Variants in DERL2 observed in about 807,000 individuals in gnomAD.
DERL2 encodes the protein derlin 2, also known as derlin-2.
A neutral mutation model predicts 32.0 loss-of-function variants in DERL2; 13 were observed. That is an observed-to-expected ratio of 0.41 (90% confidence interval 0.26 to 0.65). DERL2 has a LOEUF of 0.65. Among genes scored for constraint, DERL2 ranks in the 30% least tolerant of loss-of-function variants. The pLI, the probability that DERL2 is intolerant of heterozygous loss-of-function variation, is 0.35. For synonymous variants in DERL2, 111 were observed against 104.7 expected, an observed-to-expected ratio of 1.06 and a Z score of -0.37; for missense variants, 208 against 296.3, an observed-to-expected ratio of 0.70 and a Z score of 2.19.
chr17:5,485,719 T>C (rs1399640255), intron 1 of DERL2: 1 of 261,240 alleles, frequency 3.8e-6, no homozygotes, highest in Non-Finnish European at 7.2e-6. Context: ...CCCATTCCTG[T>C]TTCTTCACTA....
intron 1 of DERL2, among the ~76,000 whole-genome samples, chr17:5,485,590 C>T (rs1414340868): frequency 5.3e-5 from 8 of 152,208 alleles, no homozygotes; most frequent in Non-Finnish European, 1.2e-4. Flanking sequence ...CTTGAAATAA[C>T]GGAGACTGGA....
intron 6 of DERL2, among the ~76,000 whole-genome samples, chr17:5,476,816 T>C (rs555777487): frequency 1.4e-4 from 22 of 152,040 alleles, no homozygotes; most frequent in South Asian, 1.2e-3. Context: ...AAAACTGAGA[T>C]CCCTTCTACT....
intron 1 of DERL2, chr17:5,485,752 C>T (rs1175652071): frequency 6.3e-6 from 2 of 316,564 alleles, no homozygotes; most frequent in African/African-American, 4.3e-5. Flanking sequence ...TCTCACTAGT[C>T]ACCATGGTAC....
upstream of DERL2, chr17:5,486,297 C>T: frequency 3.0e-6 from 2 of 671,588 alleles, no homozygotes; most frequent in Admixed American, 3.0e-5. Flanking sequence ...CGCCAAGCAA[C>T]CGCAATCCGT....
At chr17:5,485,002 A>G in intron 2 of DERL2, 149 bp downstream of exon 2, 1 of 474,226 alleles carries the variant, frequency 2.1e-6, no homozygotes, top group East Asian at 3.5e-5. Flanking sequence ...CAGGCTGCAG[A>G]ATCACTGCTT....
chr17:5,476,525 T>TA (rs1287761783), intron 6 of DERL2, among the ~76,000 whole-genome samples: 1 of 152,170 alleles, frequency 6.6e-6, no homozygotes, highest in Non-Finnish European at 1.5e-5. Flanking sequence ...CTCATGCCTG[T>TA]AATCCCAGCA....
intron 2 of DERL2, 67 bp downstream of exon 2, chr17:5,485,084 T>C (rs1906085265): frequency 8.5e-7 from 1 of 1,175,072 alleles, no homozygotes; most frequent in Non-Finnish European, 1.2e-6. Flanking sequence ...TATAACAGGA[T>C]TTGCTACTAA....
At chr17:5,477,405 A>G (rs1003148723) in intron 6 of DERL2, among the ~76,000 whole-genome samples, 2 of 152,208 alleles carry the variant, frequency 1.3e-5, no homozygotes, top group Non-Finnish European at 2.9e-5. Flanking sequence ...GGTTGATGGT[A>G]ATTTTCTGTC....
intron 1 of DERL2, 68 bp downstream of exon 1, chr17:5,486,001 C>G: frequency 6.8e-7 from 1 of 1,475,352 alleles, no homozygotes; most frequent in Non-Finnish European, 9.3e-7. Context: ...GAGGCCCAAA[C>G]CCCAGTTTCC....
At chr17:5,485,111 G>A in intron 2 of DERL2, 40 bp downstream of exon 2, 2 of 1,395,400 alleles carry the variant, frequency 1.4e-6, no homozygotes, top group Non-Finnish European at 9.9e-7. Context: ...AGAAAAAGAA[G>A]AAACTGAAGC....
rs1905679060 is a variant in DERL2, at chr17:5,480,167, G to C, written c.524-23C>G. 2.7e-6 allele frequency: 4 copies of C among 1,507,754 alleles called. No individual in the cohort carries two copies. In the South Asian group the frequency reaches 4.6e-5, roughly 17 times the overall value. The allele number at this position is 1,507,754 out of a possible 1,614,324, so 93.4% of individuals were successfully genotyped here. A position where few individuals can be genotyped will look rare whatever the true frequency, so the allele number is the denominator to read the frequency against. ...TACCTAGAGTCAAGCAGAAATAAAG[G>C]ATGAGGGAGAGAATTAAAATTTAGA... On this transcript the variant is annotated intron_variant, in intron 5 of 6. Coordinates refer to ENST00000158771, the MANE Select transcript of DERL2 (RefSeq NM_016041.5).
upstream of DERL2, chr17:5,486,397 C>A: frequency 2.1e-6 from 1 of 479,246 alleles, no homozygotes; most frequent in Non-Finnish European, 3.8e-6. Flanking sequence ...CTCTTCTCCA[C>A]CAGCCAACGT....
intron 2 of DERL2, 33 bp downstream of exon 2, chr17:5,485,118 A>C: frequency 5.6e-6 from 8 of 1,423,196 alleles, no homozygotes; most frequent in Non-Finnish European, 7.7e-6. Context: ...GAAGAAACTG[A>C]AGCATTAATC....
Position 5,480,197 on chromosome 17 carries a change from A to G in DERL2, c.524-53T>C, listed in dbSNP as rs969493334. 4 of 1,332,824 alleles carry G rather than the reference A, an allele frequency of 3.0e-6. No individual in the cohort carries two copies. In the East Asian group the frequency reaches 9.3e-5, roughly 31 times the overall value. The allele number at this position is 1,332,824 out of a possible 1,614,324, so 82.6% of individuals were successfully genotyped here. On this transcript the variant is annotated intron_variant, in intron 5 of 6. Transcript: ENST00000158771. Reference sequence around the variant, plus strand: ...GGGAGAGAATTAAAATTTAGATTGCAGGTAGACCTACCAACACAAATTGCC... The same window carrying G: ...GGGAGAGAATTAAAATTTAGATTGCGGGTAGACCTACCAACACAAATTGCC...
chr17:5,475,299 G>A (rs1597370350), intron 6 of DERL2, among the ~76,000 whole-genome samples: 1 of 146,380 alleles, frequency 6.8e-6, no homozygotes. Context: ...TCACTCTGTC[G>A]CCCAGGCTGG....
chr17:5,486,184 A>G (rs759427250), upstream of DERL2: 47 of 794,692 alleles, frequency 5.9e-5, no homozygotes, highest in Non-Finnish European at 7.0e-5. Context: ...CGCCTGCCCC[A>G]CCCCCCACCC....
upstream of DERL2, chr17:5,486,361 C>CCA (rs1555537956): frequency 5.9e-6 from 3 of 507,146 alleles, no homozygotes; most frequent in East Asian, 3.5e-5. Flanking sequence ...CCACCGCCCC[C>CCA]CCCCAGCGCC....
In DERL2 at chr17:5,474,812, A is replaced by T; in HGVS notation, c.615-23T>A. 6.2e-7 allele frequency: 1 copy of T among 1,601,426 alleles called. No homozygotes were observed. The highest frequency in any genetic ancestry group is 2.2e-5 in the East Asian group (1 of 44,704). On this transcript the variant is annotated intron_variant, in intron 6 of 6. Transcript: ENST00000158771. This position sits in a 1 kb window ranked among gnomAD's most constrained non-coding sequence, Gnocchi z 4.3. ...TTCCTAAAAGACAAGCAACAGATAT[A>T]ATTTGGTCCCAGAGTCATCTCAGGT... is the stretch of plus-strand genomic sequence containing the variant.
At chr17:5,483,090 A>T (rs533133710) in intron 2 of DERL2, among the ~76,000 whole-genome samples, 4 of 152,178 alleles carry the variant, frequency 2.6e-5, no homozygotes, top group Non-Finnish European at 5.9e-5. Context: ...GAAAGACATC[A>T]TTGGGACTGT....
Sources: gnomAD v4.1 joint callset for allele counts (sites outside exome capture counted in the v4.1 genomes callset) on GRCh38, gnomAD v4.1.1 for gene constraint, Gnocchi (gnomAD v3.1) non-coding constraint, MANE v1.5 for transcripts, NCBI Gene and HGNC (gene_info 2026-07-23, HGNC 2026-07-21) for gene names.